ROBO1: variants seen among roughly 807,000 people sequenced by gnomAD.
The protein encoded by ROBO1 is roundabout guidance receptor 1.
ROBO1 carries 149 observed loss-of-function variants against 195.9 expected under a neutral mutation model. The observed-to-expected ratio is 0.76, with a 90% CI of 0.67 to 0.87. The LOEUF is 0.87. Among genes scored for constraint, ROBO1 ranks in the 40% least tolerant of loss-of-function variants. The pLI, the probability that ROBO1 is intolerant of heterozygous loss-of-function variation, is 0.00. For synonymous variants in ROBO1, 816 were observed against 733.2 expected (o/e 1.11, Z -1.82); for missense variants, 1,933 against 2,068.3 (o/e 0.93, Z 1.27).
intron 3 of ROBO1, among the ~76,000 whole-genome samples, chr3:78,947,900 C>T (rs965847291): frequency 6.6e-6 from 1 of 152,242 alleles, no homozygotes; most frequent in East Asian, 1.9e-4. Context: ...AACACCTCTA[C>T]ACAAATAAAC....
At chr3:79,524,960 T>C (rs111667212) in intron 2 of ROBO1, among the ~76,000 whole-genome samples, 3 of 151,980 alleles carry the variant, frequency 2.0e-5, no homozygotes, top group Non-Finnish European at 4.4e-5. Flanking sequence ...TACATATATA[T>C]AGAGAGAGAA....
At chr3:79,448,166 T>C (rs921982666) in intron 2 of ROBO1, among the ~76,000 whole-genome samples, 3 of 152,178 alleles carry the variant, frequency 2.0e-5, no homozygotes, top group Non-Finnish European at 2.9e-5. Flanking sequence ...ATAAATTTGC[T>C]CAAGATCATG....
chr3:79,687,903 A>G lies in ROBO1; in HGVS notation c.-51+79849T>C, dbSNP rs527765181. ...CGAAAGGATTATAAATCATGCTGCTATAAAGACATACGCACATGTATGTTT... is the reference window on the plus strand; with the variant it reads ...CGAAAGGATTATAAATCATGCTGCTGTAAAGACATACGCACATGTATGTTT... On this transcript the variant is annotated intron_variant, in intron 1 of 30. Coordinates refer to ENST00000464233, the MANE Select transcript of ROBO1 (RefSeq NM_002941.4). Among the ~76,000 whole-genome samples, 13 of 152,254 alleles carry G rather than the reference A, an allele frequency of 8.5e-5. No homozygotes were observed. The East Asian group carries it at 2.5e-3, about 30-fold the overall frequency.
At chr3:79,004,676 G>A (rs1017697579) in intron 3 of ROBO1, among the ~76,000 whole-genome samples, 4 of 152,128 alleles carry the variant, frequency 2.6e-5, no homozygotes, top group African/African-American at 9.7e-5. Flanking sequence ...GACAGGAAAG[G>A]ATATAGACAG....
At position 78,908,390 on chromosome 3, in the gene ROBO1, T is replaced by C. The variant is rs533866868; in HGVS notation, c.499+30211A>G. Among the ~76,000 whole-genome samples the C allele has an allele frequency of 2.0e-5, 3 of 152,088 alleles. No individual in the cohort carries two copies. In the South Asian group the frequency reaches 6.2e-4, roughly 31 times the overall value. ...AGGAACTGCTAATCATCAAGGTCTT[T>C]TAGAGACTTGTGCGTTGCGGTAAAT... On this transcript the variant is annotated intron_variant, in intron 4 of 30. Transcript: ENST00000464233.
chr3:78,662,745 TTTAA>T lies in ROBO1; in HGVS notation c.1967-635_1967-632del, dbSNP rs201762645. Reference sequence around the variant, plus strand: ...ATGAGAAAAAAGTACTTAACGTTTATTTAATTGATGATCCTTTAGTTTAGTTATT... The same window carrying T: ...ATGAGAAAAAAGTACTTAACGTTTATTTGATGATCCTTTAGTTTAGTTATT... On this transcript the variant is annotated intron_variant, in intron 14 of 30. Transcript: ENST00000464233. Among the ~76,000 whole-genome samples, 215 of 152,282 alleles carry T rather than the reference TTTAA, an allele frequency of 1.4e-3. 2 individuals are homozygous for T. In the East Asian group the frequency reaches 0.033, roughly 23 times the overall value.
At chr3:79,633,732 A>T (rs1248758634) in intron 1 of ROBO1, among the ~76,000 whole-genome samples, 3 of 152,118 alleles carry the variant, frequency 2.0e-5, no homozygotes, top group Non-Finnish European at 4.4e-5. Context: ...TGATTTAAAA[A>T]AAAACACAAG....
chr3:79,606,702 T>C (rs773146554), intron 1 of ROBO1, among the ~76,000 whole-genome samples: 1 of 152,032 alleles, frequency 6.6e-6, no homozygotes, highest in Non-Finnish European at 1.5e-5. Flanking sequence ...GTGGTCACCC[T>C]TGATATCATA....
intron 1 of ROBO1, among the ~76,000 whole-genome samples, chr3:79,651,992 A>G (rs1013473856): frequency 6.6e-6 from 1 of 152,148 alleles, no homozygotes; most frequent in Non-Finnish European, 1.5e-5. Flanking sequence ...GCAATTGCTC[A>G]ACCTCAACTT....
At position 79,373,453 on chromosome 3, in the gene ROBO1, A is replaced by C. The variant is rs181515429; in HGVS notation, c.88+216371T>G. On this transcript the variant is annotated intron_variant, in intron 2 of 30. Coordinates refer to ENST00000464233, the MANE Select transcript of ROBO1 (RefSeq NM_002941.4). Reference sequence around the variant, plus strand: ...GCCCTAATTCTAAACAGCTTCAATAAAATGGGGCTAACACTTCACAAATGT... The same window carrying C: ...GCCCTAATTCTAAACAGCTTCAATACAATGGGGCTAACACTTCACAAATGT... 2.7e-3 allele frequency among the ~76,000 whole-genome samples: 417 copies of C among 152,322 alleles called. 2 individuals are homozygous for C. Among genetic ancestry groups the C allele is most frequent in the African/African-American group, 8.7e-3 (363 of 41,578 alleles).
intron 1 of ROBO1, among the ~76,000 whole-genome samples, chr3:79,596,739 A>G (rs1944182506): frequency 1.3e-5 from 2 of 152,070 alleles, no homozygotes; most frequent in South Asian, 4.1e-4. Context: ...TATGTTTCTC[A>G]CGACAATTGC....
At chr3:79,450,214 T>C (rs2039396505) in intron 2 of ROBO1, among the ~76,000 whole-genome samples, 1 of 151,968 alleles carries the variant, frequency 6.6e-6, no homozygotes, top group Non-Finnish European at 1.5e-5. Context: ...AGACTTTTAC[T>C]GATACTGATG....
At chr3:79,699,186 A>G (rs1455305477) in intron 1 of ROBO1, among the ~76,000 whole-genome samples, 1 of 151,354 alleles carries the variant, frequency 6.6e-6, no homozygotes, top group African/African-American at 2.4e-5. Context: ...CCTCTAATGG[A>G]TATCTGTGGC....
chr3:79,048,064 C>A (rs1310352447), intron 3 of ROBO1, among the ~76,000 whole-genome samples: 1 of 152,112 alleles, frequency 6.6e-6, no homozygotes, highest in Non-Finnish European at 1.5e-5. Context: ...CTTGGTGTAA[C>A]TGAAACCTGG....
rs530541988 is a variant in ROBO1, at chr3:78,989,920, T to C, written c.173-50993A>G. Among the ~76,000 whole-genome samples, 10 of 152,178 alleles carry C rather than the reference T, an allele frequency of 6.6e-5. No individual in the cohort carries two copies. The East Asian group carries it at 1.9e-3, about 29-fold the overall frequency. On this transcript the variant is annotated intron_variant, in intron 3 of 30. Coordinates refer to ENST00000464233, the MANE Select transcript of ROBO1 (RefSeq NM_002941.4). ...AAATATAAATGTATATAATAAATTATTGAGTGGAAGCCTAAAAAAGTCCAT... is the reference window on the plus strand; with the variant it reads ...AAATATAAATGTATATAATAAATTACTGAGTGGAAGCCTAAAAAAGTCCAT...
chr3:79,550,388 T>TC (rs1942466424), intron 2 of ROBO1, among the ~76,000 whole-genome samples: 1 of 152,088 alleles, frequency 6.6e-6, no homozygotes, highest in East Asian at 1.9e-4. Context: ...CCATGATAAG[T>TC]CAAAGCACAT....
chr3:78,671,645 C>A (rs991173750), intron 10 of ROBO1, among the ~76,000 whole-genome samples: 3 of 151,746 alleles, frequency 2.0e-5, no homozygotes, highest in African/African-American at 7.3e-5. Flanking sequence ...GTGAAATCAG[C>A]AGCTGTGCAT....
rs561198842 is a variant in ROBO1 at position 79,378,807 on chromosome 3, T to G, written c.88+211017A>C. On this transcript the variant is annotated intron_variant, in intron 2 of 30. Coordinates refer to ENST00000464233, the MANE Select transcript of ROBO1 (RefSeq NM_002941.4). ...TTTGCATCTCCCACATCATATAGCA[T>G]GATGCTTTGGTGTACAAGACAACGA... Among the ~76,000 whole-genome samples, 36 of 152,302 alleles carry G rather than the reference T, an allele frequency of 2.4e-4. No individual in the cohort carries two copies. In the South Asian group the frequency reaches 7.5e-3, roughly 32 times the overall value.
chr3:78,860,376 C>T (rs1281307422), intron 4 of ROBO1, among the ~76,000 whole-genome samples: 11 of 138,086 alleles, frequency 8.0e-5, no homozygotes, highest in Non-Finnish European at 1.5e-4. Context: ...TGGTGGAGAA[C>T]CACTGCTTCA....
Sources: allele counts gnomAD v4.1 joint callset (sites outside exome capture counted in the v4.1 genomes callset), GRCh38; gene constraint gnomAD v4.1.1; transcripts MANE v1.5; gene names NCBI Gene and HGNC (gene_info 2026-07-23, HGNC 2026-07-21).